CNTN1: variants seen among roughly 807,000 people sequenced by gnomAD.
The protein encoded by CNTN1 is contactin 1.
Under a neutral mutation model 126.4 loss-of-function variants are expected in CNTN1, and 38 were observed. That is an observed-to-expected ratio of 0.30 (90% confidence interval 0.23 to 0.39). The LOEUF is 0.39. Ranked by LOEUF, CNTN1 falls within the 10% of genes least tolerant of loss-of-function variation. The probability of loss-of-function intolerance (pLI) is 1.00; values close to 1 mark genes in which losing one functional copy is unlikely to be tolerated. For synonymous variants in CNTN1, 413 were observed against 422.6 expected, an observed-to-expected ratio of 0.98 and a Z score of 0.28; for missense variants, 1,009 against 1,248.4, an observed-to-expected ratio of 0.81 and a Z score of 2.89.
chr12:40,853,899 T>A (rs117783451), intron 1 of CNTN1, among the ~76,000 whole-genome samples: 1 of 151,758 alleles, frequency 6.6e-6, no homozygotes, highest in East Asian at 1.9e-4. Context: ...ACTGACCATA[T>A]GCCTCAGTAG....
chr12:40,706,108 A>C lies in CNTN1; in HGVS notation c.-77+13516A>C, dbSNP rs572226741. Among the ~76,000 whole-genome samples, 6 of 150,746 alleles carry C rather than the reference A, an allele frequency of 4.0e-5. No individual in the cohort carries two copies. The East Asian group carries it at 1.2e-3, about 29-fold the overall frequency. On this transcript the variant is annotated intron_variant, in intron 1 of 23. Coordinates refer to ENST00000551295, the MANE Select transcript of CNTN1 (RefSeq NM_001843.4). ...ATCATTTGATGCTTTATATATATAT[A>C]TATAGATATATAGATATTTTTATTA...
At chr12:40,880,969 C>T (rs1295100895) in intron 1 of CNTN1, among the ~76,000 whole-genome samples, 1 of 151,952 alleles carries the variant, frequency 6.6e-6, no homozygotes, top group East Asian at 1.9e-4. Flanking sequence ...CTTAGCCAAT[C>T]ACTGGGGCTA....
At chr12:40,764,091 C>T (rs1938977652) in intron 1 of CNTN1, among the ~76,000 whole-genome samples, 1 of 152,186 alleles carries the variant, frequency 6.6e-6, no homozygotes, top group Admixed American at 6.5e-5. Context: ...AAGCAAGTCA[C>T]ATGGCTAAAT....
At chr12:41,049,246 A>C (rs541333018) in intron 23 of CNTN1, among the ~76,000 whole-genome samples, 3 of 152,316 alleles carry the variant, frequency 2.0e-5, no homozygotes, top group African/African-American at 7.2e-5. Context: ...AATCTCATGC[A>C]GTCTCGAGGC....
At chr12:40,909,666 T>C (rs1343543404) in intron 2 of CNTN1, among the ~76,000 whole-genome samples, 1 of 151,738 alleles carries the variant, frequency 6.6e-6, no homozygotes, top group Non-Finnish European at 1.5e-5. Context: ...TTTAATGACA[T>C]TGATAAATAT....
At chr12:40,959,821 C>A (rs1270158740) in intron 15 of CNTN1, among the ~76,000 whole-genome samples, 1 of 152,042 alleles carries the variant, frequency 6.6e-6, no homozygotes, top group Non-Finnish European at 1.5e-5. Flanking sequence ...GCTGGGAACA[C>A]AGCACACCTT....
At chr12:40,989,195 A>C (rs191183132) in intron 16 of CNTN1, among the ~76,000 whole-genome samples, 1 of 152,314 alleles carries the variant, frequency 6.6e-6, no homozygotes, top group Non-Finnish European at 1.5e-5. Context: ...GCAGTAAAAA[A>C]AGAAGAAAGA....
At chr12:40,855,772 C>T (rs974835645) in intron 1 of CNTN1, among the ~76,000 whole-genome samples, 3 of 152,034 alleles carry the variant, frequency 2.0e-5, no homozygotes, top group African/African-American at 4.8e-5. Context: ...ATCCCTCTAC[C>T]TTTGGGAGAA....
chr12:40,730,869 C>G (rs758013970), intron 1 of CNTN1, among the ~76,000 whole-genome samples: 7 of 151,920 alleles, frequency 4.6e-5, no homozygotes, highest in Admixed American at 6.6e-5. Context: ...AAGTTTTCAT[C>G]AATCTGTAAT....
At chr12:40,781,356 C>T (rs540851273) in intron 1 of CNTN1, among the ~76,000 whole-genome samples, 3 of 151,962 alleles carry the variant, frequency 2.0e-5, no homozygotes, top group Admixed American at 1.3e-4. Flanking sequence ...TCTCTTTGGA[C>T]ATCTGTCTTG....
At chr12:41,054,001 A>G (rs1232199927) in intron 23 of CNTN1, among the ~76,000 whole-genome samples, 1 of 151,836 alleles carries the variant, frequency 6.6e-6, no homozygotes, top group Non-Finnish European at 1.5e-5. Context: ...TAAGCCAGAT[A>G]AAATAAATAT....
intron 1 of CNTN1, among the ~76,000 whole-genome samples, chr12:40,724,524 T>C (rs375472861): frequency 1.1e-4 from 17 of 152,350 alleles, no homozygotes; most frequent in Middle Eastern, 3.4e-3. Flanking sequence ...AACTTAAAAT[T>C]ATTTCATTCT....
intron 1 of CNTN1, among the ~76,000 whole-genome samples, chr12:40,862,058 A>G (rs1204454717): frequency 1.1e-5 from 1 of 88,662 alleles, no homozygotes; most frequent in Non-Finnish European, 2.3e-5. Flanking sequence ...TTACAAAAAT[A>G]AAGAAAAAAA....
intron 1 of CNTN1, among the ~76,000 whole-genome samples, chr12:40,831,193 A>G (rs975648997): frequency 6.7e-6 from 1 of 148,224 alleles, no homozygotes. Flanking sequence ...TACTTATAGT[A>G]TATACATTTA....
intron 1 of CNTN1, among the ~76,000 whole-genome samples, chr12:40,694,304 T>A (rs965881363): frequency 6.6e-6 from 1 of 152,242 alleles, no homozygotes; most frequent in Non-Finnish European, 1.5e-5. Flanking sequence ...ATATCACATC[T>A]ATTTGTACTA....
At chr12:40,902,572 G>A (rs1344137518) in intron 1 of CNTN1, among the ~76,000 whole-genome samples, 8 of 151,826 alleles carry the variant, frequency 5.3e-5, no homozygotes, top group Non-Finnish European at 2.9e-5. Context: ...TACCTGATGT[G>A]CCAAAAAATT....
chr12:40,756,607 G>A (rs1938618367), intron 1 of CNTN1, among the ~76,000 whole-genome samples: 1 of 152,134 alleles, frequency 6.6e-6, no homozygotes, highest in Non-Finnish European at 1.5e-5. Context: ...TCAAAGCTGA[G>A]GGTTGTTAGG....
chr12:40,773,655 A>ATATGTG (rs1939445054), intron 1 of CNTN1, among the ~76,000 whole-genome samples: 2 of 3,450 alleles, frequency 5.8e-4, no homozygotes, highest in African/African-American at 8.9e-4. Flanking sequence ...ATATATATAT[A>ATATGTG]CACATATATA....
chr12:41,052,345 A>G (rs1256917693), intron 23 of CNTN1, among the ~76,000 whole-genome samples: 1 of 152,182 alleles, frequency 6.6e-6, no homozygotes, highest in Non-Finnish European at 1.5e-5. Context: ...AATCTGCTAC[A>G]TGCCTATAGC....
Sources: gnomAD v4.1 joint callset for allele counts (sites outside exome capture counted in the v4.1 genomes callset) on GRCh38, gnomAD v4.1.1 for gene constraint, MANE v1.5 for transcripts, NCBI Gene and HGNC (gene_info 2026-07-23, HGNC 2026-07-21) for gene names.